ROBO1: variants seen among roughly 807,000 people sequenced by gnomAD.
The protein encoded by ROBO1 is roundabout homolog 1.
Under a neutral mutation model 195.9 loss-of-function variants are expected in ROBO1, and 149 were observed. That is an observed-to-expected ratio of 0.76 (90% CI 0.67 to 0.87). The LOEUF is 0.87. ROBO1 is among the 40% of genes least tolerant of loss of function. The pLI is 0.00. For synonymous variants in ROBO1, 816 were observed against 733.2 expected, an observed-to-expected ratio of 1.11 and a Z score of -1.82; for missense variants, 1,933 against 2,068.3, an observed-to-expected ratio of 0.93 and a Z score of 1.27.
In ROBO1 at chr3:79,107,033, T is replaced by A. The variant is rs114159021; in HGVS notation, c.172+18423A>T. Among the ~76,000 whole-genome samples the A allele has an allele frequency of 2.2e-3, 340 of 151,640 alleles. 3 individuals carry two copies. The highest frequency in any genetic ancestry group is 7.8e-3 in the African/African-American group (325 of 41,456). On this transcript the variant is annotated intron_variant, in intron 3 of 30. Transcript: ENST00000464233. ...TAAGGTAAAATTGCAAAGCTTACCA[T>A]AGATACAGGATTTCACAAAATAAGA... is the stretch of plus-strand genomic sequence containing the variant.
chr3:78,918,693 T>C (rs1298094288), intron 4 of ROBO1, among the ~76,000 whole-genome samples: 1 of 152,146 alleles, frequency 6.6e-6, no homozygotes, highest in African/African-American at 2.4e-5. Flanking sequence ...GTTTAGACTG[T>C]CAACTTCAGC....
At chr3:79,008,171 T>G (rs2077671046) in intron 3 of ROBO1, among the ~76,000 whole-genome samples, 1 of 152,188 alleles carries the variant, frequency 6.6e-6, no homozygotes, top group African/African-American at 2.4e-5. Context: ...CTCCCTTCTT[T>G]CATCATATCA....
chr3:78,717,989 G>T, intron 5 of ROBO1, 106 bp from the exon 6 acceptor site: 2 of 1,081,644 alleles, frequency 1.8e-6, no homozygotes, highest in Non-Finnish European at 2.7e-6. Context: ...ATAAATCAAA[G>T]CATAATTACA....
At chr3:79,347,745 T>C (rs1368918881) in intron 2 of ROBO1, among the ~76,000 whole-genome samples, 1 of 152,176 alleles carries the variant, frequency 6.6e-6, no homozygotes, top group East Asian at 1.9e-4. Flanking sequence ...GCACAAAAGT[T>C]ATTTAAACAC....
intron 1 of ROBO1, among the ~76,000 whole-genome samples, chr3:79,687,810 A>G (rs1053608541): frequency 3.3e-5 from 5 of 152,136 alleles, no homozygotes; most frequent in African/African-American, 7.2e-5. Flanking sequence ...AAGTCAGTGT[A>G]ACGATTCCTC....
intron 1 of ROBO1, among the ~76,000 whole-genome samples, chr3:79,685,282 G>A (rs1947068266): frequency 6.6e-6 from 1 of 152,130 alleles, no homozygotes; most frequent in African/African-American, 2.4e-5. Context: ...CAGGGTTCAA[G>A]GCCAGCCAGG....
At chr3:79,216,080 T>C (rs1481817923) in intron 2 of ROBO1, among the ~76,000 whole-genome samples, 1 of 152,112 alleles carries the variant, frequency 6.6e-6, no homozygotes, top group African/African-American at 2.4e-5. Context: ...CAAATTCTCC[T>C]TTAGGTATTT....
intron 2 of ROBO1, among the ~76,000 whole-genome samples, chr3:79,514,747 C>T (rs1032390964): frequency 5.3e-5 from 8 of 152,072 alleles, no homozygotes; most frequent in Middle Eastern, 3.2e-3. Flanking sequence ...AAAATTGTAG[C>T]TTAATGTATA....
chr3:79,141,451 AG>A (rs569992071), intron 2 of ROBO1, among the ~76,000 whole-genome samples: 180 of 152,248 alleles, frequency 1.2e-3, no homozygotes, highest in African/African-American at 3.7e-3. Flanking sequence ...TAAAGGTCAC[AG>A]GGATTAGCTG....
At chr3:79,498,983 T>G (rs75968027) in intron 2 of ROBO1, among the ~76,000 whole-genome samples, 2,062 of 152,332 alleles carry the variant, frequency 0.014, 46 homozygotes, top group African/African-American at 0.047. Context: ...ATTCTTTAAT[T>G]TTTTAAATTT....
intron 1 of ROBO1, among the ~76,000 whole-genome samples, chr3:79,620,306 G>A (rs766908126): frequency 2.7e-4 from 41 of 152,064 alleles, no homozygotes; most frequent in Admixed American, 2.1e-3. Context: ...CTGCCCGATC[G>A]CCTCGGAAGC....
chr3:78,718,939 A>T (rs924473100), intron 5 of ROBO1, among the ~76,000 whole-genome samples: 5 of 151,394 alleles, frequency 3.3e-5, no homozygotes, highest in Admixed American at 2.6e-4. Flanking sequence ...TTCATAATAC[A>T]TTATGGAGTT....
chr3:79,023,575 A>G (rs1408651415), intron 3 of ROBO1, among the ~76,000 whole-genome samples: 3 of 150,842 alleles, frequency 2.0e-5, no homozygotes, highest in Non-Finnish European at 4.4e-5. Flanking sequence ...AAAACAGGTA[A>G]TTATGTGTTC....
At chr3:78,718,242 A>T (rs900661769) in intron 5 of ROBO1, among the ~76,000 whole-genome samples, 1 of 152,224 alleles carries the variant, frequency 6.6e-6, no homozygotes, top group Admixed American at 6.5e-5. Context: ...GAGAAAAAGA[A>T]AATTCTTAAT....
intron 1 of ROBO1, among the ~76,000 whole-genome samples, chr3:79,599,794 T>G (rs555210834): frequency 6.6e-6 from 1 of 152,140 alleles, no homozygotes; most frequent in African/African-American, 2.4e-5. Context: ...TCTGACTTGC[T>G]TAAAAAATAT....
chr3:79,403,128 C>T (rs1407617810), intron 2 of ROBO1, among the ~76,000 whole-genome samples: 1 of 151,908 alleles, frequency 6.6e-6, no homozygotes, highest in Non-Finnish European at 1.5e-5. Context: ...AAACCTCCCA[C>T]CCTCTGTTTC....
chr3:79,129,399 T>A (rs1483799503), intron 2 of ROBO1, among the ~76,000 whole-genome samples: 2 of 152,112 alleles, frequency 1.3e-5, no homozygotes, highest in Admixed American at 1.3e-4. Flanking sequence ...TGTGTGTATA[T>A]ATGTACATAC....
At chr3:78,631,691 TATTA>T (rs770330379) in intron 24 of ROBO1, among the ~76,000 whole-genome samples, 4 of 152,218 alleles carry the variant, frequency 2.6e-5, no homozygotes, top group Non-Finnish European at 5.9e-5. Context: ...AGATACGATC[TATTA>T]GAGTTCCACT....
chr3:79,460,179 A>T (rs937844615), intron 2 of ROBO1, among the ~76,000 whole-genome samples: 12 of 152,206 alleles, frequency 7.9e-5, no homozygotes, highest in Admixed American at 2.0e-4. Flanking sequence ...GGTTAGAAGG[A>T]AAGAGGAAAG....
Sources: allele counts gnomAD v4.1 joint callset (sites outside exome capture counted in the v4.1 genomes callset), GRCh38; gene constraint gnomAD v4.1.1; transcripts MANE v1.5; gene names NCBI Gene and HGNC (gene_info 2026-07-23, HGNC 2026-07-21).